The following PHF19 variants were observed in gnomAD, a reference collection of about 807,000 sequenced individuals.
PHF19 encodes the protein PHD finger protein 19, also known as polycomb like 3.
In PHF19, 21 loss-of-function variants were observed where a neutral mutation model predicts 79.8. The ratio of observed to expected loss-of-function variants is 0.26; its 90% CI spans 0.19 to 0.38. The LOEUF is 0.38. Among genes scored for constraint, PHF19 ranks in the 10% least tolerant of loss-of-function variants. The pLI is 1.00. For missense variants in PHF19, 445 were observed against 744.2 expected (o/e 0.60, Z 4.68); for synonymous variants, 273 against 296.3 (o/e 0.92, Z 0.81).
At chr9:120,879,869 C>A (rs2046153268), upstream of PHF19, among the ~76,000 whole-genome samples, 1 of 152,092 alleles carries the variant, frequency 6.6e-6, no homozygotes, top group Non-Finnish European at 1.5e-5. Flanking sequence ...AAGAGGAAAC[C>A]TAAATGGCTA....
In PHF19 at chr9:120,869,163, CCCTGACCCCCTG is replaced by C; in HGVS notation, c.614+7_614+18del. 6.3e-7 allele frequency: 1 copy of C among 1,596,738 alleles called. No homozygotes were observed. Among genetic ancestry groups the C allele is most frequent in the Non-Finnish European group, 8.5e-7 (1 of 1,171,948 alleles). Reference sequence around the variant, plus strand: ...GAGACCTGCCCTGCCGCCCGGGGGGCCCTGACCCCCTGCCTTACTCTCCGGGCCCGCCGCAGT... The same window carrying C: ...GAGACCTGCCCTGCCGCCCGGGGGGCCCTTACTCTCCGGGCCCGCCGCAGT... On this transcript the variant is annotated splice_region_variant and intron_variant, in intron 6 of 14. Coordinates refer to ENST00000373896, the MANE Select transcript of PHF19 (RefSeq NM_015651.3). This position sits in a 1 kb window ranked among gnomAD's most constrained non-coding sequence, Gnocchi z 5.8.
At chr9:120,885,807 A>G (rs10818482) in intron 1 of PHF19, among the ~76,000 whole-genome samples, 79,065 of 152,006 alleles carry the variant, frequency 0.52, 21,154 homozygotes, top group Middle Eastern at 0.68. Context: ...TGAGTGTTCC[A>G]TGACATGTGA....
rs908408253 is a variant in PHF19 at position 120,869,090 on chromosome 9, G to A, written c.614+92C>T. 2.2e-6 allele frequency: 3 copies of A among 1,363,962 alleles called. No individual in the cohort carries two copies. The highest frequency in any genetic ancestry group is 1.9e-6 in the Non-Finnish European group (2 of 1,026,642). The allele number at this position is 1,363,962 out of a possible 1,614,324, so 84.5% of individuals were successfully genotyped here. A position where few individuals can be genotyped will look rare whatever the true frequency, so the allele number is the denominator to read the frequency against. On this transcript the variant is annotated intron_variant, in intron 6 of 14. Coordinates refer to ENST00000373896, the MANE Select transcript of PHF19 (RefSeq NM_015651.3). This position sits in a 1 kb window ranked among gnomAD's most constrained non-coding sequence, Gnocchi z 5.8. ...CGCCCTCAAGGTCCCCGCCTTGGCT[G>A]ACACGCCAGGCTCGCTCCCTATGGG...
intron 1 of PHF19, among the ~76,000 whole-genome samples, chr9:120,893,392 G>T (rs549284932): frequency 6.6e-6 from 1 of 152,272 alleles, no homozygotes; most frequent in South Asian, 2.1e-4. Flanking sequence ...TAGCAGTGAT[G>T]GCAGGTGGCT....
At chr9:120,881,230 C>T (rs548354137), upstream of PHF19, among the ~76,000 whole-genome samples, 2 of 151,060 alleles carry the variant, frequency 1.3e-5, no homozygotes, top group South Asian at 2.1e-4. Flanking sequence ...TCACTGCAAC[C>T]TCCGCCTCCC....
the PHF19 span, chr9:120,904,069 T>C: frequency 6.6e-6 from 1 of 152,226 alleles, no homozygotes; most frequent in African/African-American, 2.4e-5. Flanking sequence ...TAATCAGGTG[T>C]TACGGGATTC....
In PHF19 at chr9:120,869,002, C is replaced by G; in HGVS notation, c.614+180G>C. 4.0e-6 allele frequency: 2 copies of G among 495,846 alleles called. No individual in the cohort carries two copies. The highest frequency in any genetic ancestry group is 5.8e-6 in the Non-Finnish European group (2 of 343,632). The allele number at this position is 495,846 out of a possible 1,614,324, so 30.7% of individuals were successfully genotyped here. On this transcript the variant is annotated intron_variant, in intron 6 of 14. Transcript: ENST00000373896. The surrounding 1 kb of genome is among the most constrained non-coding windows in gnomAD (Gnocchi z 5.8). ...GAGTCCCGCCCCCGAGGCCCCACCC[C>G]CGCGGCTGACACTCCAGGCCCGCCC...
intron 1 of PHF19, among the ~76,000 whole-genome samples, chr9:120,883,840 T>C (rs2046225631): frequency 6.6e-6 from 1 of 150,878 alleles, no homozygotes; most frequent in Non-Finnish European, 1.5e-5. Flanking sequence ...GATTGATAGA[T>C]AATTGTGGGA....
chr9:120,891,434 G>A lies in PHF19; in HGVS notation c.42+3354C>T, dbSNP rs1431120381. On this transcript the variant is annotated intron_variant, in intron 1 of 14. Coordinates refer to the PHF19 transcript ENST00000616568. The surrounding 1 kb of genome is among the most constrained non-coding windows in gnomAD (Gnocchi z 4.3). ...ACCCCGGGAACCTTAACATGCTGATGCCTGTGTTCTTATCTTCAGAGACTC... is the reference window on the plus strand; with the variant it reads ...ACCCCGGGAACCTTAACATGCTGATACCTGTGTTCTTATCTTCAGAGACTC... Among the ~76,000 whole-genome samples the A allele has an allele frequency of 6.6e-6, 1 of 152,194 alleles. No homozygotes were observed. The highest frequency in any genetic ancestry group is 1.5e-5 in the Non-Finnish European group (1 of 68,044).
At chr9:120,858,331 C>A (rs1324171447) in intron 14 of PHF19, 45 bp from the exon 15 acceptor site, 2 of 1,419,028 alleles carry the variant, frequency 1.4e-6, no homozygotes, top group East Asian at 2.4e-5. Flanking sequence ...TGAGGTAGAA[C>A]AATCACAGTA....
At chr9:120,876,168 A>C (rs1054287420) in intron 1 of PHF19, 1 of 152,810 alleles carries the variant, frequency 6.5e-6, no homozygotes, top group Non-Finnish European at 1.5e-5. Flanking sequence ...TCGGCTCCCC[A>C]GATGGTGGCG....
intron 1 of PHF19, among the ~76,000 whole-genome samples, chr9:120,887,653 GACACA>G: frequency 3.2e-5 from 1 of 31,700 alleles, no homozygotes. Flanking sequence ...CACACACACA[GACACA>G]CACACACACA....
Position 120,862,964 on chromosome 9 carries a change from C to T in PHF19, c.969-215G>A. ...CTGGTGCCTCCTCCCTGTGCTTCCT[C>T]CTGCATGAGTGTGGTTCTTGCTGCT... On this transcript the variant is annotated intron_variant, in intron 10 of 14. Transcript: ENST00000373896. The surrounding 1 kb of genome is among the most constrained non-coding windows in gnomAD (Gnocchi z 4.6). The T allele has an allele frequency of 1.8e-6, 1 of 563,338 alleles. No individual in the cohort carries two copies. The highest frequency in any genetic ancestry group is 2.1e-5 in the South Asian group (1 of 48,396). The allele number at this position is 563,338 out of a possible 1,614,324, so 34.9% of individuals were successfully genotyped here.
chr9:120,871,535 G>A (rs1229766300), intron 3 of PHF19, among the ~76,000 whole-genome samples: 12 of 152,114 alleles, frequency 7.9e-5, no homozygotes, highest in Admixed American at 7.9e-4. Context: ...AAGTCCCCAA[G>A]TAAAGTCCAT....
chr9:120,860,880 A>C lies in PHF19; in HGVS notation c.1304+209T>G. On this transcript the variant is annotated intron_variant, in intron 13 of 14. Transcript: ENST00000373896. The surrounding 1 kb of genome is among the most constrained non-coding windows in gnomAD (Gnocchi z 4.1). ...GCATCAAACAGCATGGTGAGTGTGGATAACCATGGGGCAAGGTGGGGAGGG... is the reference window on the plus strand; with the variant it reads ...GCATCAAACAGCATGGTGAGTGTGGCTAACCATGGGGCAAGGTGGGGAGGG... 1.9e-6 allele frequency: 1 copy of C among 540,318 alleles called. No individual in the cohort carries two copies. Among genetic ancestry groups the C allele is most frequent in the Admixed American group, 3.0e-5 (1 of 32,976 alleles). 33.5% of individuals were successfully genotyped at this position (540,318 alleles called of 1,614,324 possible). A position where few individuals can be genotyped will look rare whatever the true frequency, so the allele number is the denominator to read the frequency against.
Position 120,865,841 on chromosome 9 carries a change from G to A in PHF19, c.780-11C>T, listed in dbSNP as rs767514670. ...TGAACCACATCCACCCTGGGCAAGG[G>A]GGCAAGGAGGTGGGACCAGGTGAGG... is the stretch of plus-strand genomic sequence containing the variant. On this transcript the variant is annotated splice_polypyrimidine_tract_variant and intron_variant, in intron 8 of 14. Coordinates refer to ENST00000373896, the MANE Select transcript of PHF19 (RefSeq NM_015651.3). 4.6e-5 allele frequency: 75 copies of A among 1,613,956 alleles called. No homozygotes were observed. The highest frequency in any genetic ancestry group is 7.7e-5 in the South Asian group (7 of 91,072).
Position 120,857,901 on chromosome 9 carries a change from TC to T in PHF19, c.*42del. ...CTGGGGAGCCTATGGCTTCTGCTGCTCCTCCTTTGGTTTTCAGGACCCCTGG... is the reference window on the plus strand; with the variant it reads ...CTGGGGAGCCTATGGCTTCTGCTGCTCTCCTTTGGTTTTCAGGACCCCTGG... On this transcript the variant is annotated 3_prime_UTR_variant, in exon 15 of 15. Coordinates refer to ENST00000373896, the MANE Select transcript of PHF19 (RefSeq NM_015651.3). The T allele has an allele frequency of 8.2e-7, 1 of 1,215,798 alleles. No homozygotes were observed. The highest frequency in any genetic ancestry group is 2.5e-5 in the East Asian group (1 of 40,590). The allele number at this position is 1,215,798 out of a possible 1,614,324, so 75.3% of individuals were successfully genotyped here.
At chr9:120,871,414 T>C (rs888236280) in intron 3 of PHF19, among the ~76,000 whole-genome samples, 2 of 152,236 alleles carry the variant, frequency 1.3e-5, no homozygotes, top group African/African-American at 4.8e-5. Flanking sequence ...ACTGCACCTA[T>C]AAGTTAACAT....
chr9:120,861,794 C>CT, intron 12 of PHF19, 124 bp downstream of exon 12: 1 of 754,670 alleles, frequency 1.3e-6, no homozygotes, highest in African/African-American at 1.7e-5. Context: ...GTAATAGGGA[C>CT]TGGCTTCTTT....
Sources: allele counts gnomAD v4.1 joint callset (sites outside exome capture counted in the v4.1 genomes callset), GRCh38; gene constraint gnomAD v4.1.1; non-coding constraint Gnocchi (gnomAD v3.1); transcripts MANE v1.5; gene names NCBI Gene and HGNC (gene_info 2026-07-23, HGNC 2026-07-21).